Variants in CSMD3 observed in about 807,000 individuals in gnomAD.
CSMD3 encodes the protein CUB and Sushi multiple domains 3.
A neutral mutation model predicts 435.2 loss-of-function variants in CSMD3; 177 were observed. The observed-to-expected ratio is 0.41, with a 90% CI of 0.36 to 0.46. The LOEUF is 0.46. Among genes scored for constraint, CSMD3 ranks in the 20% least tolerant of loss-of-function variants. CSMD3 has a pLI of 0.34. For missense variants in CSMD3, 4,265 were observed against 4,504.6 expected, an observed-to-expected ratio of 0.95 and a Z score of 1.52; for synonymous variants, 1,656 against 1,520.5, an observed-to-expected ratio of 1.09 and a Z score of -2.07.
intron 2 of CSMD3, among the ~76,000 whole-genome samples, chr8:113,304,082 C>T (rs1257700265): frequency 1.6e-5 from 2 of 128,442 alleles, no homozygotes; most frequent in Admixed American, 9.0e-5. Flanking sequence ...AAACAAACAA[C>T]CCCATCAAAA....
Position 112,352,450 on chromosome 8 carries a change from A to G in CSMD3, c.6221T>C (p.Val2074Ala). 1 of 1,613,700 alleles carries G rather than the reference A, an allele frequency of 6.2e-7. No individual in the cohort carries two copies. The part of the protein sequence containing the change: ...IGDRYMVGDV[V>A]SFQCDQGYSL... ...ATATCCTTGATCACACTGAAAGGAT[A>G]CTACATCTCCAACCATATATCTGTC... Residue 2074 changes from valine (V) to alanine (A), a missense_variant, in exon 39 of 71, where the codon GTA (valine) becomes GCA (alanine). By Grantham distance (64) the Val-to-Ala change is moderately conservative. Around this residue, in one of 3 missense-constraint regions of CSMD3, gnomAD observed 3,255 missense variants for 3,380.2 expected, o/e 0.96. Coordinates refer to ENST00000297405, the MANE Select transcript of CSMD3 (RefSeq NM_198123.2).
chr8:113,091,515 G>A (rs1213325831), intron 5 of CSMD3, among the ~76,000 whole-genome samples: 1 of 151,924 alleles, frequency 6.6e-6, no homozygotes, highest in Admixed American at 6.6e-5. Flanking sequence ...TATGTGTCTA[G>A]TAATTTAACA....
At chr8:113,158,398 C>T (rs556948780) in intron 4 of CSMD3, among the ~76,000 whole-genome samples, 4 of 152,070 alleles carry the variant, frequency 2.6e-5, no homozygotes, top group African/African-American at 9.6e-5. Context: ...GAAGATCCTC[C>T]ATGCAATATG....
intron 7 of CSMD3, among the ~76,000 whole-genome samples, chr8:112,970,045 G>A (rs1012117199): frequency 6.6e-6 from 1 of 151,698 alleles, no homozygotes; most frequent in Non-Finnish European, 1.5e-5. Flanking sequence ...TCTAAGACTG[G>A]GTTTTTATAC....
At chr8:113,258,164 A>G (rs1424773479) in intron 3 of CSMD3, among the ~76,000 whole-genome samples, 1 of 152,216 alleles carries the variant, frequency 6.6e-6, no homozygotes, top group Non-Finnish European at 1.5e-5. Flanking sequence ...CAAAATAACT[A>G]TTAAAGATTT....
intron 32 of CSMD3, among the ~76,000 whole-genome samples, chr8:112,467,752 G>C (rs1023621543): frequency 2.7e-4 from 41 of 152,128 alleles, no homozygotes; most frequent in African/African-American, 9.2e-4. Context: ...CAGACAGTTA[G>C]GAGAAACGGT....
At chr8:112,893,584 TC>T (rs2081865037) in intron 10 of CSMD3, among the ~76,000 whole-genome samples, 1 of 151,534 alleles carries the variant, frequency 6.6e-6, no homozygotes, top group South Asian at 2.1e-4. Flanking sequence ...AGAGATTTAA[TC>T]CCTGTTTCTC....
At chr8:112,622,544 G>A (rs933340759) in intron 22 of CSMD3, among the ~76,000 whole-genome samples, 4 of 152,064 alleles carry the variant, frequency 2.6e-5, no homozygotes, top group Admixed American at 1.3e-4. Context: ...TTCTTAGACC[G>A]AACAATGATG....
intron 22 of CSMD3, among the ~76,000 whole-genome samples, chr8:112,595,240 C>A (rs1003074381): frequency 2.0e-5 from 3 of 151,426 alleles, no homozygotes; most frequent in African/African-American, 4.9e-5. Flanking sequence ...GGAGTCGATG[C>A]GATCAACTGG....
At chr8:112,424,519 C>T (rs1812849519) in intron 32 of CSMD3, among the ~76,000 whole-genome samples, 1 of 152,070 alleles carries the variant, frequency 6.6e-6, no homozygotes, top group African/African-American at 2.4e-5. Context: ...TGAATTAAAC[C>T]TTATTCTCAA....
At chr8:112,909,026 T>C (rs539668595) in intron 10 of CSMD3, among the ~76,000 whole-genome samples, 163 of 151,652 alleles carry the variant, frequency 1.1e-3, no homozygotes, top group Non-Finnish European at 1.9e-3. Flanking sequence ...GGTTTTCTTG[T>C]CTTTTTTTTT....
At chr8:112,342,765 A>G (rs1023463002) in intron 41 of CSMD3, among the ~76,000 whole-genome samples, 6 of 151,924 alleles carry the variant, frequency 3.9e-5, no homozygotes, top group African/African-American at 1.4e-4. Flanking sequence ...AGCTTTGGAA[A>G]TATTTAAAAC....
At chr8:112,768,393 A>T (rs957894066) in intron 13 of CSMD3, among the ~76,000 whole-genome samples, 1 of 151,884 alleles carries the variant, frequency 6.6e-6, no homozygotes, top group Non-Finnish European at 1.5e-5. Flanking sequence ...TATTGCTTAA[A>T]CAATTTTATT....
At chr8:112,864,546 C>T (rs577210984) in intron 10 of CSMD3, among the ~76,000 whole-genome samples, 13 of 152,024 alleles carry the variant, frequency 8.6e-5, no homozygotes, top group Admixed American at 2.0e-4. Flanking sequence ...CCACCGTGCC[C>T]GGCTGTATAG....
chr8:112,593,607 A>G (rs977655708), intron 22 of CSMD3, among the ~76,000 whole-genome samples: 2 of 152,210 alleles, frequency 1.3e-5, no homozygotes, highest in Non-Finnish European at 2.9e-5. Context: ...GTTTATCCAG[A>G]GAATACACAC....
chr8:112,610,604 T>C (rs541672273), intron 22 of CSMD3, among the ~76,000 whole-genome samples: 62 of 152,192 alleles, frequency 4.1e-4, no homozygotes, highest in Non-Finnish European at 6.9e-4. Context: ...TAAATAAATG[T>C]CCAAAGACCA....
intron 3 of CSMD3, among the ~76,000 whole-genome samples, chr8:113,206,771 TG>T (rs1281657612): frequency 1.3e-5 from 2 of 152,276 alleles, no homozygotes; most frequent in East Asian, 1.9e-4. Context: ...TATACATGAA[TG>T]GAAAAAAATG....
intron 2 of CSMD3, among the ~76,000 whole-genome samples, chr8:113,302,259 A>AGATATATATAT (rs1563672322): frequency 4.1e-5 from 5 of 123,208 alleles, no homozygotes; most frequent in African/African-American, 1.4e-4. Context: ...ATATTATATA[A>AGATATATATAT]AATATATATA....
chr8:112,571,300 C>T (rs1829494325), intron 24 of CSMD3, among the ~76,000 whole-genome samples: 1 of 152,068 alleles, frequency 6.6e-6, no homozygotes, highest in Admixed American at 6.6e-5. Flanking sequence ...AGCCACCAAG[C>T]CCAGCCAATT....
Sources: gnomAD v4.1 joint callset for allele counts (sites outside exome capture counted in the v4.1 genomes callset) on GRCh38, gnomAD v4.1.1 for gene constraint, gnomAD v4.1.1 regional missense constraint, MANE v1.5 for transcripts, NCBI Gene and HGNC (gene_info 2026-07-23, HGNC 2026-07-21) for gene names.